Variants in PXDNL observed in about 807,000 individuals in gnomAD.
PXDNL encodes probable oxidoreductase PXDNL.
Under a neutral mutation model 150.8 loss-of-function variants are expected in PXDNL, and 145 were observed. The observed-to-expected ratio is 0.96, with a 90% CI of 0.84 to 1.10. The LOEUF (loss-of-function observed/expected upper bound fraction) is 1.10, where lower values mean the gene tolerates loss of function less well. PXDNL is among the 50% of genes least tolerant of loss of function. PXDNL has a pLI of 0.00. For missense variants in PXDNL, 2,087 were observed against 1,873.9 expected (o/e 1.11, Z -2.10); for synonymous variants, 757 against 725.7 (o/e 1.04, Z -0.69).
At chr8:51,654,904 A>T in intron 1 of PXDNL, 144 bp from the exon 2 acceptor site, 1 of 665,166 alleles carries the variant, frequency 1.5e-6, no homozygotes, top group African/African-American at 1.8e-5. Flanking sequence ...GAACTAGTGC[A>T]CATCATACAC....
intron 4 of PXDNL, among the ~76,000 whole-genome samples, chr8:51,539,834 C>T (rs758078618): frequency 6.6e-5 from 10 of 152,018 alleles, no homozygotes; most frequent in Admixed American, 1.3e-4. Flanking sequence ...GTATCTTCTT[C>T]CTTTTTTATG....
At chr8:51,356,299 G>T (rs959161091) in intron 19 of PXDNL, among the ~76,000 whole-genome samples, 1 of 152,128 alleles carries the variant, frequency 6.6e-6, no homozygotes, top group African/African-American at 2.4e-5. Flanking sequence ...GACCAGCCTG[G>T]CCAACATGGT....
intron 1 of PXDNL, among the ~76,000 whole-genome samples, chr8:51,783,810 G>A (rs1043502834): frequency 3.9e-5 from 6 of 152,154 alleles, no homozygotes; most frequent in African/African-American, 7.2e-5. Flanking sequence ...CCACAAAACT[G>A]TTGATATGTT....
In PXDNL at chr8:51,319,985, G is replaced by C. The variant is rs377352355; in HGVS notation, c.4298C>G (p.Pro1433Arg). 11 of 1,569,778 alleles carry C rather than the reference G, an allele frequency of 7.0e-6. No individual in the cohort carries two copies. The highest frequency in any genetic ancestry group is 9.5e-6 in the Non-Finnish European group (11 of 1,158,500). ...CAATTCAGGACTGGGACAGGGAGCCGGGGGACAAATCTCCACCACACAGGT... is the reference window on the plus strand; with the variant it reads ...CAATTCAGGACTGGGACAGGGAGCCCGGGGACAAATCTCCACCACACAGGT... ...QVTCVVEICPPAPCPSPELVK... is the reference protein window; with the variant it reads ...QVTCVVEICPRAPCPSPELVK... Residue 1433 changes from proline to arginine, a missense_variant, in exon 23 of 23, where the codon CCG becomes CGG. Physicochemically the swap from Pro to Arg is moderately radical, Grantham distance 103. Coordinates refer to ENST00000356297, the MANE Select transcript of PXDNL (RefSeq NM_144651.5).
At chr8:51,597,867 AC>A (rs1813609352) in intron 2 of PXDNL, among the ~76,000 whole-genome samples, 1 of 151,952 alleles carries the variant, frequency 6.6e-6, no homozygotes, top group Admixed American at 6.6e-5. Flanking sequence ...GGCATGTGCC[AC>A]CATGCCTGGC....
At chr8:51,510,767 G>A (rs115909808) in intron 4 of PXDNL, among the ~76,000 whole-genome samples, 2,295 of 152,274 alleles carry the variant, frequency 0.015, 59 homozygotes, top group African/African-American at 0.053. Context: ...AGGCCAAAGC[G>A]GGTGGATCAT....
intron 21 of PXDNL, among the ~76,000 whole-genome samples, chr8:51,338,986 G>C (rs1257738390): frequency 6.6e-6 from 1 of 152,168 alleles, no homozygotes; most frequent in Admixed American, 6.5e-5. Context: ...GATGAAGCAG[G>C]CATCAAGTTC....
chr8:51,688,094 T>A, intron 1 of PXDNL, among the ~76,000 whole-genome samples: 1 of 152,178 alleles, frequency 6.6e-6, no homozygotes, highest in Non-Finnish European at 1.5e-5. Context: ...TCATTTACCT[T>A]TGGCAAGAAA....
At chr8:51,513,587 A>G (rs1293607055) in intron 4 of PXDNL, among the ~76,000 whole-genome samples, 1 of 152,270 alleles carries the variant, frequency 6.6e-6, no homozygotes, top group Non-Finnish European at 1.5e-5. Context: ...AAAAATTAGC[A>G]TTGGTCACTG....
intron 5 of PXDNL, among the ~76,000 whole-genome samples, chr8:51,488,372 G>A (rs118051173): frequency 6.6e-6 from 1 of 152,118 alleles, no homozygotes; most frequent in Non-Finnish European, 1.5e-5. Context: ...GGGCAGAGGA[G>A]GGAGAAGTGA....
intron 3 of PXDNL, among the ~76,000 whole-genome samples, chr8:51,559,292 G>C (rs375161220): frequency 1.3e-5 from 2 of 148,808 alleles, no homozygotes; most frequent in African/African-American, 4.9e-5. Flanking sequence ...GATGAATGCT[G>C]ATGTGCTGAA....
chr8:51,353,199 T>A (rs1165980715), intron 19 of PXDNL, among the ~76,000 whole-genome samples: 1 of 150,186 alleles, frequency 6.7e-6, no homozygotes, highest in Non-Finnish European at 1.5e-5. Context: ...ATACTAGATA[T>A]TAGATGAATA....
At chr8:51,802,128 AC>A (rs2037627246) in intron 1 of PXDNL, among the ~76,000 whole-genome samples, 2 of 151,268 alleles carry the variant, frequency 1.3e-5, no homozygotes, top group South Asian at 4.2e-4. Context: ...AAGTTAGTAG[AC>A]AGGAATTTTT....
intron 1 of PXDNL, among the ~76,000 whole-genome samples, chr8:51,761,317 T>C (rs1455315761): frequency 6.6e-6 from 1 of 152,166 alleles, no homozygotes; most frequent in Non-Finnish European, 1.5e-5. Flanking sequence ...AACAGCTCTC[T>C]TCCTGATACT....
At position 51,533,342 on chromosome 8, in the gene PXDNL, G is replaced by A. The variant is rs1031591827; in HGVS notation, c.380+23498C>T. 2.0e-5 allele frequency among the ~76,000 whole-genome samples: 3 copies of A among 152,082 alleles called. No individual in the cohort carries two copies. The East Asian group carries it at 5.8e-4, about 30-fold the overall frequency. On this transcript the variant is annotated intron_variant, in intron 4 of 22. Transcript: ENST00000356297. ...ATTTTTGTATTTTTAGTAGACACAG[G>A]GTTTCACCATGTTGGCCAGGCTGGT... is the stretch of plus-strand genomic sequence containing the variant.
chr8:51,364,469 C>T (rs1042840146), intron 19 of PXDNL, among the ~76,000 whole-genome samples: 7 of 152,196 alleles, frequency 4.6e-5, no homozygotes, highest in African/African-American at 1.7e-4. Context: ...GACTTCTCTG[C>T]TATCATAAGA....
chr8:51,424,657 T>A (rs1049367203), intron 13 of PXDNL, among the ~76,000 whole-genome samples: 1 of 152,142 alleles, frequency 6.6e-6, no homozygotes, highest in Non-Finnish European at 1.5e-5. Flanking sequence ...TGGATTTAAT[T>A]TTAAAAAGTA....
At chr8:51,563,534 A>C (rs1812757818) in intron 3 of PXDNL, among the ~76,000 whole-genome samples, 1 of 152,000 alleles carries the variant, frequency 6.6e-6, no homozygotes, top group Non-Finnish European at 1.5e-5. Flanking sequence ...AATCCATAAC[A>C]GTATTTTAGA....
At chr8:51,392,045 T>C (rs944025415) in intron 17 of PXDNL, among the ~76,000 whole-genome samples, 1 of 152,196 alleles carries the variant, frequency 6.6e-6, no homozygotes, top group Non-Finnish European at 1.5e-5. Flanking sequence ...GATCAGATAG[T>C]TGTAGATATG....
Sources: allele counts gnomAD v4.1 joint callset (sites outside exome capture counted in the v4.1 genomes callset), GRCh38; gene constraint gnomAD v4.1.1; transcripts MANE v1.5; gene names NCBI Gene and HGNC (gene_info 2026-07-23, HGNC 2026-07-21).